The following RTL4 variants were observed in gnomAD, a reference collection of about 807,000 sequenced individuals.
RTL4 encodes retrotransposon Gag like 4.
A neutral mutation model predicts 5.3 loss-of-function variants in RTL4; 4 were observed. The ratio of observed to expected loss-of-function variants is 0.75; its 90% CI spans 0.37 to 1.72. The LOEUF is 1.72. Among genes scored for constraint, RTL4 ranks in the 40% most tolerant of loss-of-function variants. The pLI is 0.04. For synonymous variants in RTL4, 98 were observed against 87.3 expected, an observed-to-expected ratio of 1.12 and a Z score of -0.68; for missense variants, 260 against 227.1, an observed-to-expected ratio of 1.14 and a Z score of -0.93.
the RTL4 span, among the ~76,000 whole-genome samples, chrX:112,353,172 G>T: frequency 1.8e-4 from 20 of 111,741 alleles, no homozygotes; most frequent in African/African-American, 6.2e-4. Context: ...TCATGAAGAA[G>T]TCAGGAAACA....
chrX:112,326,433 G>T, the RTL4 span, among the ~76,000 whole-genome samples: 7 of 111,649 alleles, frequency 6.3e-5, no homozygotes, highest in African/African-American at 2.3e-4. Flanking sequence ...CCCGAATACT[G>T]CGCTTTTCTG....
chrX:112,254,485 A>G, the RTL4 span, among the ~76,000 whole-genome samples: 1 of 110,364 alleles, frequency 9.1e-6, no homozygotes, highest in Non-Finnish European at 1.9e-5. Flanking sequence ...ACACGCCACT[A>G]CGCCCAGCTA....
chrX:112,192,748 T>G, the RTL4 span, among the ~76,000 whole-genome samples: 2 of 111,801 alleles, frequency 1.8e-5, no homozygotes, highest in Admixed American at 9.5e-5. Context: ...ATGATTGCTT[T>G]GTGCAGTTGT....
chrX:112,257,776 A>G, the RTL4 span, among the ~76,000 whole-genome samples: 13 of 109,179 alleles, frequency 1.2e-4, no homozygotes, highest in Non-Finnish European at 1.7e-4. Flanking sequence ...AGGAACACAA[A>G]CATTCAGAAC....
the RTL4 span, among the ~76,000 whole-genome samples, chrX:112,388,655 G>A: frequency 6.3e-5 from 7 of 111,860 alleles, no homozygotes; most frequent in Non-Finnish European, 9.4e-5. Flanking sequence ...TCTTTTCTGC[G>A]TCTATTGAGA....
chrX:112,384,301 G>T, the RTL4 span, among the ~76,000 whole-genome samples: 3 of 111,983 alleles, frequency 2.7e-5, no homozygotes, highest in Non-Finnish European at 5.6e-5. Context: ...GTCCTAAATG[G>T]TATGGCCCAC....
the RTL4 span, among the ~76,000 whole-genome samples, chrX:112,157,976 AC>A: frequency 3.6e-5 from 4 of 111,308 alleles, no homozygotes; most frequent in South Asian, 1.5e-3. Context: ...GTGGGACACT[AC>A]TTTTGACTGC....
chrX:112,390,591 AT>A, the RTL4 span, among the ~76,000 whole-genome samples: 850 of 109,750 alleles, frequency 7.7e-3, 10 homozygotes, highest in African/African-American at 0.026. Context: ...TCAGTTGAAG[AT>A]TTTTTTTTAA....
At chrX:112,154,681 T>C in the RTL4 span, among the ~76,000 whole-genome samples, 1 of 112,121 alleles carries the variant, frequency 8.9e-6, no homozygotes, top group East Asian at 2.8e-4. Flanking sequence ...AGGGGCTTTG[T>C]AAAATCGTTG....
the RTL4 span, among the ~76,000 whole-genome samples, chrX:112,175,099 C>G: frequency 2.8e-5 from 3 of 105,739 alleles, no homozygotes; most frequent in East Asian, 9.1e-4. Context: ...TCCCATTTGT[C>G]AATTTTGGCT....
chrX:112,285,688 C>G, the RTL4 span, among the ~76,000 whole-genome samples: 1 of 111,511 alleles, frequency 9.0e-6, no homozygotes, highest in African/African-American at 3.3e-5. Flanking sequence ...ATACTCCTAT[C>G]TAGCTTATCT....
chrX:112,304,041 T>C, the RTL4 span, among the ~76,000 whole-genome samples: 1 of 110,531 alleles, frequency 9.0e-6, no homozygotes, highest in Non-Finnish European at 1.9e-5. Flanking sequence ...TTTCTCTTTT[T>C]TGAGCGTGGC....
At chrX:112,239,565 G>A in the RTL4 span, among the ~76,000 whole-genome samples, 1 of 111,042 alleles carries the variant, frequency 9.0e-6, no homozygotes, top group Non-Finnish European at 1.9e-5. Flanking sequence ...GGTGTGTAAG[G>A]TGGTGAGAAT....
At chrX:112,184,861 C>G in the RTL4 span, among the ~76,000 whole-genome samples, 3 of 111,834 alleles carry the variant, frequency 2.7e-5, no homozygotes, top group African/African-American at 9.7e-5. Flanking sequence ...TGAATTCCAA[C>G]AAAACTACCT....
chrX:112,398,354 A>G, the RTL4 span, among the ~76,000 whole-genome samples: 1 of 103,378 alleles, frequency 9.7e-6, no homozygotes, highest in Non-Finnish European at 2.0e-5. Flanking sequence ...ACTTGGTCAC[A>G]TTGTCCCTTT....
the RTL4 span, among the ~76,000 whole-genome samples, chrX:112,142,050 G>T: frequency 1.8e-5 from 2 of 112,064 alleles, no homozygotes; most frequent in African/African-American, 6.5e-5. Context: ...CTACAATATT[G>T]CCATCTGTAC....
the RTL4 span, among the ~76,000 whole-genome samples, chrX:112,400,865 T>G: frequency 9.0e-6 from 1 of 111,389 alleles, no homozygotes; most frequent in Non-Finnish European, 1.9e-5. Context: ...TCTTTGGTAC[T>G]CTCTTCTGCA....
the RTL4 span, chrX:112,382,077 A>T: frequency 1.7e-6 from 2 of 1,210,115 alleles, no homozygotes; most frequent in Non-Finnish European, 2.2e-6. Flanking sequence ...AGGAAGCAGC[A>T]GCTGCAGCAG....
chrX:112,234,762 G>T, the RTL4 span, among the ~76,000 whole-genome samples: 1 of 111,814 alleles, frequency 8.9e-6, no homozygotes, highest in Non-Finnish European at 1.9e-5. Context: ...AAGCAGGTGG[G>T]ATCAGCATCA....
Sources: allele counts gnomAD v4.1 joint callset (sites outside exome capture counted in the v4.1 genomes callset), GRCh38; gene constraint gnomAD v4.1.1; transcripts MANE v1.5; gene names NCBI Gene and HGNC (gene_info 2026-07-23, HGNC 2026-07-21).